Variants in PRSS23 observed in about 807,000 individuals in gnomAD.
PRSS23 encodes serine protease 23, also known as protease, serine 23.
A neutral mutation model predicts 34.7 loss-of-function variants in PRSS23; 25 were observed. That is an observed-to-expected ratio of 0.72 (90% CI 0.53 to 1.01). The LOEUF is 1.01. Ranked by LOEUF, PRSS23 falls within the 50% of genes least tolerant of loss-of-function variation. PRSS23 has a pLI of 0.00. For missense variants in PRSS23, 445 were observed against 475.6 expected (o/e 0.94, Z 0.60); for synonymous variants, 176 against 186.6 (o/e 0.94, Z 0.46).
intron 2 of PRSS23, among the ~76,000 whole-genome samples, chr11:86,942,901 T>C (rs2135028322): frequency 6.6e-6 from 1 of 152,360 alleles, no homozygotes; most frequent in South Asian, 2.1e-4. Context: ...AAAGCCCTTC[T>C]CCCAGTCTGG....
At chr11:86,820,826 G>T (rs754598434) in intron 1 of PRSS23, among the ~76,000 whole-genome samples, 5 of 152,082 alleles carry the variant, frequency 3.3e-5, no homozygotes, top group Admixed American at 6.5e-5. Flanking sequence ...TTATAGATGG[G>T]TATGTTTGAT....
chr11:86,858,208 A>G (rs1456177280), intron 2 of PRSS23, among the ~76,000 whole-genome samples: 4 of 151,588 alleles, frequency 2.6e-5, no homozygotes, highest in Admixed American at 6.6e-5. Context: ...TTCCTGTGAT[A>G]TTGTTCTTAA....
chr11:86,827,922 C>T (rs1948316586), intron 2 of PRSS23, among the ~76,000 whole-genome samples: 2 of 151,936 alleles, frequency 1.3e-5, no homozygotes, highest in South Asian at 4.2e-4. Flanking sequence ...AACTATGTGA[C>T]CAATTTTGGA....
intron 2 of PRSS23, among the ~76,000 whole-genome samples, chr11:86,841,137 C>T (rs1433215809): frequency 6.6e-6 from 1 of 151,906 alleles, no homozygotes; most frequent in Admixed American, 6.6e-5. Context: ...GTCAGGAGTT[C>T]GAGACCAGTC....
chr11:86,853,902 A>T (rs1416128424), intron 2 of PRSS23, among the ~76,000 whole-genome samples: 1 of 152,158 alleles, frequency 6.6e-6, no homozygotes, highest in Non-Finnish European at 1.5e-5. Context: ...TTTGTTTATC[A>T]TATCCATCCT....
intron 1 of PRSS23, among the ~76,000 whole-genome samples, chr11:86,793,523 C>G (rs1181044678): frequency 6.6e-6 from 1 of 152,128 alleles, no homozygotes; most frequent in Non-Finnish European, 1.5e-5. Context: ...ATTAGCAGGC[C>G]AAGTGGAAAC....
At chr11:86,839,809 AG>A in intron 2 of PRSS23, among the ~76,000 whole-genome samples, 1 of 151,042 alleles carries the variant, frequency 6.6e-6, no homozygotes, top group Admixed American at 6.6e-5. Flanking sequence ...GCATTCCTAA[AG>A]GAAAGAATTT....
intron 2 of PRSS23, among the ~76,000 whole-genome samples, chr11:86,838,395 G>T (rs1318198709): frequency 6.6e-6 from 1 of 152,180 alleles, no homozygotes; most frequent in Non-Finnish European, 1.5e-5. Context: ...CTGTGGGGCT[G>T]CAGCTTGATG....
chr11:86,891,229 G>A (rs1948839253), intron 2 of PRSS23, among the ~76,000 whole-genome samples: 1 of 152,168 alleles, frequency 6.6e-6, no homozygotes, highest in Non-Finnish European at 1.5e-5. Context: ...GGTAATGGCA[G>A]TTTATTTTCC....
intron 2 of PRSS23, among the ~76,000 whole-genome samples, chr11:86,940,346 A>T (rs11234889): frequency 0.092 from 14,037 of 152,214 alleles, 651 homozygotes; most frequent in East Asian, 0.098. Flanking sequence ...CTTGCCTCTG[A>T]AACACTGGCA....
intron 2 of PRSS23, chr11:86,940,652 A>T (rs1268766843): frequency 2.0e-5 from 3 of 152,220 alleles, no homozygotes; most frequent in African/African-American, 7.2e-5. Context: ...ACGGCCTCCA[A>T]GGCCTTTCAT....
intron 2 of PRSS23, among the ~76,000 whole-genome samples, chr11:86,905,088 A>G (rs907463167): frequency 6.6e-6 from 1 of 152,042 alleles, no homozygotes; most frequent in African/African-American, 2.4e-5. Context: ...AAAAAAACCC[A>G]TTTATTTTCA....
intron 1 of PRSS23, among the ~76,000 whole-genome samples, chr11:86,804,830 A>G (rs1948080629): frequency 6.6e-6 from 1 of 152,198 alleles, no homozygotes; most frequent in Admixed American, 6.5e-5. Context: ...GTGGCTCATG[A>G]AAGAGGATAT....
At chr11:86,800,369 G>A (rs912917908), upstream of PRSS23, 10 of 865,626 alleles carry the variant, frequency 1.2e-5, no homozygotes, top group African/African-American at 1.8e-4. Context: ...CCTCTGGGCT[G>A]CTCCACCCTG....
chr11:86,836,506 C>A (rs576507646), intron 2 of PRSS23, among the ~76,000 whole-genome samples: 1 of 152,208 alleles, frequency 6.6e-6, no homozygotes, highest in African/African-American at 2.4e-5. Context: ...GTGTAATAGC[C>A]CCTGCTTTTG....
At chr11:86,823,082 G>A (rs1045730589) in intron 1 of PRSS23, among the ~76,000 whole-genome samples, 2 of 152,232 alleles carry the variant, frequency 1.3e-5, no homozygotes, top group Non-Finnish European at 2.9e-5. Context: ...GGTTTGGGAG[G>A]CCCCGTCAGG....
chr11:86,847,584 T>C (rs1024252393), intron 2 of PRSS23, among the ~76,000 whole-genome samples: 2 of 152,096 alleles, frequency 1.3e-5, no homozygotes, highest in Admixed American at 6.5e-5. Flanking sequence ...TGGGCATCCC[T>C]GTGTTTAAAA....
chr11:86,900,506 C>G (rs1313242471), intron 2 of PRSS23, among the ~76,000 whole-genome samples: 1 of 152,124 alleles, frequency 6.6e-6, no homozygotes, highest in Non-Finnish European at 1.5e-5. Flanking sequence ...CTGTGACTTC[C>G]CACTGTACTC....
rs1337951190 is a variant in PRSS23 at position 86,951,303 on chromosome 11, A to G, written c.*18A>G. ...ATGCCTGAAGTGATGCCCACCAACA[A>G]AGACATAAAAATTTTCAACATTTCA... On this transcript the variant is annotated 3_prime_UTR_variant, in exon 3 of 3. Transcript: ENST00000533902. 1.9e-6 allele frequency: 3 copies of G among 1,614,206 alleles called. No individual in the cohort carries two copies. The highest frequency in any genetic ancestry group is 1.1e-5 in the South Asian group (1 of 91,086).
Sources: gnomAD v4.1 joint callset for allele counts (sites outside exome capture counted in the v4.1 genomes callset) on GRCh38, gnomAD v4.1.1 for gene constraint, MANE v1.5 for transcripts, NCBI Gene and HGNC (gene_info 2026-07-23, HGNC 2026-07-21) for gene names.